The following PTGES variants were observed in gnomAD, a reference collection of about 807,000 sequenced individuals.
The protein encoded by PTGES is prostaglandin E synthase.
In PTGES, 3 loss-of-function variants were observed where a neutral mutation model predicts 11.8. The observed-to-expected ratio is 0.25, with a 90% CI of 0.12 to 0.66. PTGES has a LOEUF of 0.66. Ranked by LOEUF, PTGES falls within the 30% of genes least tolerant of loss-of-function variation. The probability of loss-of-function intolerance (pLI) is 0.82; values close to 1 mark genes in which losing one functional copy is unlikely to be tolerated. For synonymous variants in PTGES, 94 were observed against 90.4 expected (o/e 1.04, Z -0.22); for missense variants, 180 against 213.0 (o/e 0.85, Z 0.96).
chr9:129,747,279 G>A (rs910368060), intron 2 of PTGES, among the ~76,000 whole-genome samples: 76 of 152,126 alleles, frequency 5.0e-4, no homozygotes, highest in Non-Finnish European at 1.3e-4. Context: ...CTCCAAATTG[G>A]GTGTACCTAA....
rs200258970 is a variant in PTGES, at chr9:129,748,643, C to G, written c.209+12G>C. On this transcript the variant is annotated intron_variant, in intron 2 of 2. Coordinates refer to ENST00000340607, the MANE Select transcript of PTGES (RefSeq NM_004878.5). The stretch of plus-strand genomic sequence containing the variant: ...GCCAGGTGTGGCCAGGCCAGGGGCC[C>G]GAAGTACTTGCCTGAGGCAGCGTTC... The G allele has an allele frequency of 6.4e-7, 1 of 1,564,428 alleles. No homozygotes were observed. Among genetic ancestry groups the G allele is most frequent in the Non-Finnish European group, 8.6e-7 (1 of 1,161,482 alleles).
intron 2 of PTGES, among the ~76,000 whole-genome samples, chr9:129,743,380 G>A (rs4837404): frequency 0.73 from 111,255 of 152,168 alleles, 42,004 homozygotes; most frequent in African/African-American, 0.94. Context: ...TACCACAGAC[G>A]TGCTCGGGTG....
rs1833129770 is a variant in PTGES at position 129,752,912 on chromosome 9, G to A, written c.101C>T (p.Thr34Met). Reference sequence around the variant, plus strand: ...CTTCTTCCGCAGCCTCACTTGGCCCGTGATGATGGCCACCACGTACATCTT... The same window carrying A: ...CTTCTTCCGCAGCCTCACTTGGCCCATGATGATGGCCACCACGTACATCTT... ...VIKMYVVAII[T>M]GQVRLRKKAF... Residue 34 changes from threonine (T) to methionine (M), a missense_variant, in exon 1 of 3, where the codon ACG (threonine) becomes ATG (methionine). Thr to Met is a moderately conservative substitution (Grantham distance 81). Coordinates refer to ENST00000340607, the MANE Select transcript of PTGES (RefSeq NM_004878.5). 5.0e-6 allele frequency: 8 copies of A among 1,613,758 alleles called. No homozygotes were observed. Among genetic ancestry groups the A allele is most frequent in the South Asian group, 1.1e-5 (1 of 91,092 alleles).
chr9:129,750,873 T>C (rs913407775), intron 1 of PTGES, among the ~76,000 whole-genome samples: 9 of 152,102 alleles, frequency 5.9e-5, no homozygotes, highest in Non-Finnish European at 1.2e-4. Context: ...TCCTGGATGA[T>C]ACTTAGCGCC....
intron 2 of PTGES, among the ~76,000 whole-genome samples, chr9:129,746,034 CA>C (rs142175511): frequency 0.053 from 6,402 of 121,044 alleles, 148 homozygotes; most frequent in African/African-American, 0.075. Flanking sequence ...AACTCTGTCT[CA>C]AAAAAAAAAA....
Position 129,752,967 on chromosome 9 carries a change from A to G in PTGES, c.46T>C (p.Phe16Leu). Residue 16 changes from phenylalanine to leucine, a missense_variant, in exon 1 of 3, where the codon TTC becomes CTC. Transcript: ENST00000340607. ...ACCAGCAGCGTGCTGCAGAGCAGGAAGGCCGGGAGGGCCGGGCTGCTCATC... is the reference window on the plus strand; with the variant it reads ...ACCAGCAGCGTGCTGCAGAGCAGGAGGGCCGGGAGGGCCGGGCTGCTCATC... ...LVMSSPALPA[F>L]LLCSTLLVIK... 6.2e-7 allele frequency: 1 copy of G among 1,611,688 alleles called. No homozygotes were observed. Among genetic ancestry groups the G allele is most frequent in the Non-Finnish European group, 8.5e-7 (1 of 1,180,018 alleles).
At chr9:129,741,528 T>C (rs1364489299) in intron 2 of PTGES, among the ~76,000 whole-genome samples, 2 of 152,112 alleles carry the variant, frequency 1.3e-5, no homozygotes, top group Non-Finnish European at 2.9e-5. Flanking sequence ...GGCAGGGCAG[T>C]TCTCACCCAG....
At chr9:129,748,215 TAAAAAAAA>T (rs67000610) in intron 2 of PTGES, among the ~76,000 whole-genome samples, 14 of 71,030 alleles carry the variant, frequency 2.0e-4, no homozygotes, top group African/African-American at 6.9e-4. Flanking sequence ...GTTGCCATAT[TAAAAAAAA>T]AAAAAAAAAA....
chr9:129,747,814 A>C (rs1227537234), intron 2 of PTGES, among the ~76,000 whole-genome samples: 1 of 152,002 alleles, frequency 6.6e-6, no homozygotes, highest in Non-Finnish European at 1.5e-5. Flanking sequence ...GTTCCAGACC[A>C]GCCTGGCCAA....
rs750177988 is a variant in PTGES, at chr9:129,748,705, G to A, written c.159C>T (p.His53=). 6.3e-6 allele frequency: 10 copies of A among 1,587,730 alleles called. No individual in the cohort carries two copies. The highest frequency in any genetic ancestry group is 2.7e-5 in the African/African-American group (2 of 72,758). ...AFANPEDALR[H]GGPQYCRSDP... is the part of the protein sequence containing the mutation. ...CGCTCCTGCAATACTGGGGGCCTCCGTGTCTCAGGGCATCCTCGGGGTTGG... is the reference window on the plus strand; with the variant it reads ...CGCTCCTGCAATACTGGGGGCCTCCATGTCTCAGGGCATCCTCGGGGTTGG... The change falls in exon 2 of 3, where the codon CAC becomes CAT. Residue 53 remains histidine (H), a synonymous_variant. Coordinates refer to ENST00000340607, the MANE Select transcript of PTGES (RefSeq NM_004878.5).
intron 2 of PTGES, among the ~76,000 whole-genome samples, chr9:129,742,923 A>G (rs10819563): frequency 0.072 from 11,005 of 152,222 alleles, 482 homozygotes; most frequent in East Asian, 0.2. Flanking sequence ...AGAGAATCAT[A>G]GTACAGATAG....
intron 2 of PTGES, among the ~76,000 whole-genome samples, chr9:129,742,171 A>C (rs1458407048): frequency 6.6e-6 from 1 of 151,644 alleles, no homozygotes; most frequent in Non-Finnish European, 1.5e-5. Flanking sequence ...TACAAAAAAA[A>C]AAAATTAGCT....
At chr9:129,748,606 G>C (rs1189465995) in intron 2 of PTGES, 49 bp downstream of exon 2, 2 of 1,441,604 alleles carry the variant, frequency 1.4e-6, no homozygotes, top group Non-Finnish European at 1.9e-6. Context: ...AGTTCTGAAA[G>C]GGCAGGCCAT....
At chr9:129,740,059 T>C (rs778890616) in intron 2 of PTGES, among the ~76,000 whole-genome samples, 199 bp from the exon 3 acceptor site, 5 of 151,902 alleles carry the variant, frequency 3.3e-5, no homozygotes, top group Non-Finnish European at 7.4e-5. Context: ...AGCTTATGCT[T>C]GCAAGCAGCT....
chr9:129,743,518 C>T (rs561191040), intron 2 of PTGES, among the ~76,000 whole-genome samples: 20 of 152,362 alleles, frequency 1.3e-4, no homozygotes, highest in African/African-American at 4.6e-4. Context: ...GACTTTTCCA[C>T]ACCAGCTGCA....
At chr9:129,747,371 G>A (rs1037732513) in intron 2 of PTGES, among the ~76,000 whole-genome samples, 1 of 152,218 alleles carries the variant, frequency 6.6e-6, no homozygotes, top group Non-Finnish European at 1.5e-5. Flanking sequence ...GATTAGAACT[G>A]TGAGTGGTTT....
At chr9:129,746,029 T>C (rs138023369) in intron 2 of PTGES, among the ~76,000 whole-genome samples, 514 of 145,952 alleles carry the variant, frequency 3.5e-3, no homozygotes, top group African/African-American at 0.012. Flanking sequence ...AGCGAAACTC[T>C]GTCTCAAAAA....
At chr9:129,741,129 G>C (rs553581588) in intron 2 of PTGES, among the ~76,000 whole-genome samples, 1 of 152,312 alleles carries the variant, frequency 6.6e-6, no homozygotes, top group East Asian at 1.9e-4. Context: ...TGCCTGGGGT[G>C]GGGGTGGGCA....
chr9:129,747,781 G>T (rs45525337), intron 2 of PTGES, among the ~76,000 whole-genome samples: 2 of 151,822 alleles, frequency 1.3e-5, no homozygotes, highest in Admixed American at 1.3e-4. Flanking sequence ...AGGCCGAGGC[G>T]GACAGATCAT....
Sources: gnomAD v4.1 joint callset for allele counts (sites outside exome capture counted in the v4.1 genomes callset) on GRCh38, gnomAD v4.1.1 for gene constraint, MANE v1.5 for transcripts, NCBI Gene and HGNC (gene_info 2026-07-23, HGNC 2026-07-21) for gene names.